Variants in GNG2 observed in about 807,000 individuals in gnomAD.
GNG2 encodes the protein G protein subunit gamma 2, also known as guanine nucleotide-binding protein G(I)/G(S)/G(O) subunit gamma-2.
A neutral mutation model predicts 5.5 loss-of-function variants in GNG2; 5 were observed. That is an observed-to-expected ratio of 0.91 (90% CI 0.48 to 1.92). GNG2 has a LOEUF of 1.92. GNG2 is among the 30% of genes most tolerant of loss of function. GNG2 has a pLI of 0.01. For missense variants in GNG2, 55 were observed against 88.4 expected, an observed-to-expected ratio of 0.62 and a Z score of 1.52; for synonymous variants, 28 against 32.0, an observed-to-expected ratio of 0.88 and a Z score of 0.42.
intron 2 of GNG2, among the ~76,000 whole-genome samples, chr14:51,929,462 C>T (rs1377757996): frequency 2.0e-5 from 3 of 151,028 alleles, no homozygotes; most frequent in Non-Finnish European, 3.0e-5. Context: ...AATGGGTATC[C>T]ATAAATCACA....
intron 3 of GNG2, chr14:51,951,780 A>G (rs1888989358): frequency 1.5e-6 from 1 of 656,172 alleles, no homozygotes; most frequent in Admixed American, 2.5e-5. Flanking sequence ...ACACTCATTT[A>G]CATATTGTCT....
chr14:51,899,033 G>A (rs1885380599), intron 2 of GNG2, among the ~76,000 whole-genome samples: 1 of 152,156 alleles, frequency 6.6e-6, no homozygotes. Flanking sequence ...TGAGCTTTCT[G>A]GGACCCCCAT....
At chr14:51,843,455 A>G (rs752153279) in intron 2 of GNG2, among the ~76,000 whole-genome samples, 36 of 152,254 alleles carry the variant, frequency 2.4e-4, no homozygotes, top group Admixed American at 7.2e-4. Context: ...GCATTAGGAC[A>G]AACACTTGAT....
chr14:51,897,204 G>A (rs577190965), intron 2 of GNG2, among the ~76,000 whole-genome samples: 1 of 152,354 alleles, frequency 6.6e-6, no homozygotes, highest in East Asian at 1.9e-4. Flanking sequence ...GTTGTATACT[G>A]CCTGCTTTGT....
At chr14:51,883,009 C>CAAAAAAAAAAAA (rs1208060740) in intron 2 of GNG2, among the ~76,000 whole-genome samples, 1 of 49,172 alleles carries the variant, frequency 2.0e-5, no homozygotes. Context: ...GACTCCATCT[C>CAAAAAAAAAAAA]AAAAAAAAAA....
At chr14:51,828,205 G>A (rs1881081613) in intron 2 of GNG2, among the ~76,000 whole-genome samples, 1 of 152,216 alleles carries the variant, frequency 6.6e-6, no homozygotes, top group Non-Finnish European at 1.5e-5. Flanking sequence ...CTTTGTGCTG[G>A]GCAGGGAAGC....
intron 2 of GNG2, among the ~76,000 whole-genome samples, chr14:51,839,346 A>G (rs925837775): frequency 2.6e-5 from 4 of 152,234 alleles, no homozygotes; most frequent in Admixed American, 6.5e-5. Flanking sequence ...AAATGGTTGC[A>G]TTCTTTTGAG....
intron 2 of GNG2, among the ~76,000 whole-genome samples, chr14:51,947,889 T>C (rs1465842605): frequency 6.6e-6 from 1 of 152,166 alleles, no homozygotes; most frequent in Non-Finnish European, 1.5e-5. Flanking sequence ...AACCCCTCAA[T>C]AATGGTGGCA....
intron 3 of GNG2, among the ~76,000 whole-genome samples, chr14:51,958,921 T>G (rs11157868): frequency 0.042 from 6,465 of 152,234 alleles, 470 homozygotes; most frequent in African/African-American, 0.15. Context: ...CCACTGAAGC[T>G]TCTCTCATCA....
intron 2 of GNG2, among the ~76,000 whole-genome samples, chr14:51,949,279 TTTGTC>T (rs1361126389): frequency 3.3e-5 from 5 of 149,612 alleles, no homozygotes; most frequent in Admixed American, 6.8e-5. Context: ...AATTTCTTCT[TTTGTC>T]TTGAAGAACT....
chr14:51,874,252 C>T (rs1388643966), intron 1 of GNG2, among the ~76,000 whole-genome samples: 1 of 151,934 alleles, frequency 6.6e-6, no homozygotes, highest in Non-Finnish European at 1.5e-5. Flanking sequence ...GGTGAAACCC[C>T]TTCTCTACTA....
chr14:51,965,380 C>T (rs1889834852), intron 3 of GNG2, among the ~76,000 whole-genome samples: 1 of 152,090 alleles, frequency 6.6e-6, no homozygotes, highest in East Asian at 1.9e-4. Context: ...AAATGGCATT[C>T]CCCAGGTTGA....
intron 2 of GNG2, chr14:51,914,152 G>A: frequency 1.4e-6 from 1 of 693,408 alleles, no homozygotes; most frequent in South Asian, 1.5e-5. Flanking sequence ...GGGGAATGGA[G>A]TCATTCCATA....
intron 2 of GNG2, among the ~76,000 whole-genome samples, chr14:51,883,212 T>G (rs143441197): frequency 6.6e-6 from 1 of 152,150 alleles, no homozygotes; most frequent in Non-Finnish European, 1.5e-5. Flanking sequence ...ATCCTTGGCT[T>G]AACTATGAAA....
intron 2 of GNG2, among the ~76,000 whole-genome samples, chr14:51,844,239 A>T (rs1325377096): frequency 1.3e-5 from 2 of 152,192 alleles, no homozygotes; most frequent in Admixed American, 1.3e-4. Context: ...CAGTCCCCTT[A>T]ACAATATTTG....
At chr14:51,946,898 AT>A (rs1295322914) in intron 2 of GNG2, among the ~76,000 whole-genome samples, 2 of 151,938 alleles carry the variant, frequency 1.3e-5, no homozygotes, top group Admixed American at 1.3e-4. Flanking sequence ...TCAGGAGGGG[AT>A]TTTTTCATTG....
chr14:51,967,234 G>C lies in GNG2; in HGVS notation c.*547G>C, dbSNP rs1173872198. Reference sequence around the variant, plus strand: ...AGTAGTGTGGAGATAAGGCTGGACTGGTCTATCAGATTGAACTCCAAGAAT... The same window carrying C: ...AGTAGTGTGGAGATAAGGCTGGACTCGTCTATCAGATTGAACTCCAAGAAT... On this transcript the variant is annotated 3_prime_UTR_variant, in exon 4 of 4. Coordinates refer to ENST00000556766, the MANE Select transcript of GNG2 (RefSeq NM_053064.5). 6.6e-6 allele frequency: 1 copy of C among 152,530 alleles called. No homozygotes were observed. The highest frequency in any genetic ancestry group is 1.5e-5 in the Non-Finnish European group (1 of 68,388). 9.4% of individuals were successfully genotyped at this position (152,530 alleles called of 1,614,324 possible).
chr14:51,940,468 C>G (rs1223400423), intron 2 of GNG2: 1 of 152,284 alleles, frequency 6.6e-6, no homozygotes, highest in Non-Finnish European at 1.5e-5. Context: ...TGCCCGCACC[C>G]TCTCTATTCT....
chr14:51,877,018 A>C (rs1883720515), intron 1 of GNG2, among the ~76,000 whole-genome samples: 1 of 152,074 alleles, frequency 6.6e-6, no homozygotes. Flanking sequence ...AACGTAGGCC[A>C]CTCTGCCTGA....
Sources: allele counts gnomAD v4.1 joint callset (sites outside exome capture counted in the v4.1 genomes callset), GRCh38; gene constraint gnomAD v4.1.1; transcripts MANE v1.5; gene names NCBI Gene and HGNC (gene_info 2026-07-23, HGNC 2026-07-21).